Variants in UPF3A observed in about 807,000 individuals in gnomAD.
UPF3A encodes UPF3A regulator of nonsense mediated mRNA decay.
UPF3A carries 42 observed loss-of-function variants against 53.5 expected under a neutral mutation model. That is an observed-to-expected ratio of 0.78 (90% CI 0.61 to 1.01). The LOEUF is 1.01. Ranked by LOEUF, UPF3A falls within the 50% of genes least tolerant of loss-of-function variation. The pLI is 0.00. For synonymous variants in UPF3A, 237 were observed against 225.3 expected (o/e 1.05, Z -0.47); for missense variants, 575 against 598.0 (o/e 0.96, Z 0.40).
chr13:114,291,829 G>C (rs1346089654), intron 7 of UPF3A, 37 bp downstream of exon 7: 12 of 1,558,170 alleles, frequency 7.7e-6, no homozygotes, highest in Non-Finnish European at 1.0e-5. Context: ...TCCAAAAATA[G>C]CTCTGCTATA....
intron 3 of UPF3A, 120 bp from the exon 4 acceptor site, chr13:114,286,182 A>T: frequency 8.2e-7 from 1 of 1,213,352 alleles, no homozygotes; most frequent in Non-Finnish European, 1.1e-6. Context: ...ATTATAGTTT[A>T]AATAGTAATA....
intron 7 of UPF3A, among the ~76,000 whole-genome samples, chr13:114,298,487 C>T (rs1405143086): frequency 6.6e-6 from 1 of 152,166 alleles, no homozygotes; most frequent in Non-Finnish European, 1.5e-5. Context: ...CTGCAGTGAG[C>T]CGGGAGTGCG....
intron 5 of UPF3A, among the ~76,000 whole-genome samples, chr13:114,287,792 C>T (rs183916507): frequency 2.6e-5 from 4 of 151,892 alleles, no homozygotes; most frequent in Non-Finnish European, 5.9e-5. Context: ...TGAAATAGTC[C>T]GTTCACTTTC....
In UPF3A at chr13:114,284,086, G is replaced by A. The variant is rs921969887; in HGVS notation, c.421+1143G>A. 3 of 985,070 alleles carry A rather than the reference G, an allele frequency of 3.0e-6. No individual in the cohort carries two copies. The African/African-American group carries it at 5.2e-5, about 17-fold the overall frequency. 61.0% of individuals were successfully genotyped at this position (985,070 alleles called of 1,614,324 possible). A position where few individuals can be genotyped will look rare whatever the true frequency, so the allele number is the denominator to read the frequency against. ...TTCACTTAAAAAATATTGGTGGGCC[G>A]GGCACAGTGGCTCACACCTGTAATC... On this transcript the variant is annotated intron_variant, in intron 3 of 9. Transcript: ENST00000375299.
intron 9 of UPF3A, 40 bp from the exon 10 acceptor site, chr13:114,304,749 C>T (rs758596747): frequency 6.2e-7 from 1 of 1,606,326 alleles, no homozygotes; most frequent in Non-Finnish European, 8.5e-7. Context: ...TTCTGTGTTG[C>T]TACCTCTTGG....
At position 114,286,251 on chromosome 13, in the gene UPF3A, G is replaced by A. The variant is rs773322981; in HGVS notation, c.422-51G>A. On this transcript the variant is annotated intron_variant, in intron 3 of 9. Coordinates refer to ENST00000375299, the MANE Select transcript of UPF3A (RefSeq NM_023011.4). The stretch of plus-strand genomic sequence containing the variant: ...AAGTTAGGTCATTATTTTCCGAAAT[G>A]AATGTAGTAGAATTTCAGAATGGCT... The A allele has an allele frequency of 8.7e-6, 14 of 1,603,228 alleles. No homozygotes were observed. In the South Asian group the frequency reaches 1.5e-4, roughly 17 times the overall value.
rs150666672 is a variant in UPF3A, at chr13:114,299,233, G to T, written c.1007+233G>T. ...GGAGTTTCTTCCTGTTGTTTGCTTTGCTTTTGCCTCCATGTCCTCCTTTTA... is the reference window on the plus strand; with the variant it reads ...GGAGTTTCTTCCTGTTGTTTGCTTTTCTTTTGCCTCCATGTCCTCCTTTTA... On this transcript the variant is annotated intron_variant, in intron 8 of 9. Transcript: ENST00000375299. Among the ~76,000 whole-genome samples the T allele has an allele frequency of 4.0e-3, 612 of 152,240 alleles. 4 individuals are homozygous for T. Among genetic ancestry groups the T allele is most frequent in the African/African-American group, 9.4e-3 (392 of 41,540 alleles).
rs191986125 is a variant in UPF3A at position 114,296,483 on chromosome 13, C to G, written c.847-2357C>G. On this transcript the variant is annotated intron_variant, in intron 7 of 9. Transcript: ENST00000375299. ...GCTCCAAGTACCACTACACCATACC[C>G]CATACCCACCTTGTGCATTTTTTCC... Among the ~76,000 whole-genome samples, 12 of 152,294 alleles carry G rather than the reference C, an allele frequency of 7.9e-5. No homozygotes were observed. In the East Asian group the frequency reaches 1.7e-3, roughly 22 times the overall value.
intron 5 of UPF3A, 48 bp downstream of exon 5, chr13:114,286,677 G>C (rs769029411): frequency 6.8e-7 from 1 of 1,460,042 alleles, no homozygotes; most frequent in Non-Finnish European, 9.4e-7. Context: ...AGATTTACTC[G>C]TAGAGGATAT....
intron 9 of UPF3A, 65 bp from the exon 10 acceptor site, chr13:114,304,724 G>A: frequency 6.4e-7 from 1 of 1,563,074 alleles, no homozygotes; most frequent in Non-Finnish European, 8.7e-7. Flanking sequence ...TAGAAATATA[G>A]GGAGATATTG....
chr13:114,298,505 A>T (rs1229096577), intron 7 of UPF3A, among the ~76,000 whole-genome samples: 1 of 152,184 alleles, frequency 6.6e-6, no homozygotes, highest in Non-Finnish European at 1.5e-5. Context: ...GCGCCACGGC[A>T]CTTCAGCCTG....
chr13:114,293,796 T>C (rs2085549943), intron 7 of UPF3A, among the ~76,000 whole-genome samples: 1 of 152,098 alleles, frequency 6.6e-6, no homozygotes, highest in Non-Finnish European at 1.5e-5. Context: ...CATTGAACCA[T>C]AGATTTGTTT....
At chr13:114,286,215 A>C in intron 3 of UPF3A, 87 bp from the exon 4 acceptor site, 1 of 1,535,366 alleles carries the variant, frequency 6.5e-7, no homozygotes, top group Non-Finnish European at 8.9e-7. Context: ...TGTTACACTT[A>C]CTCTTTAAGT....
At position 114,282,026 on chromosome 13, in the gene UPF3A, C is replaced by T. The variant is rs575809664; in HGVS notation, c.213C>T (p.Val71=). Residue 71 remains valine, a synonymous_variant, in exon 2 of 10, where the codon GTC becomes GTT. Coordinates refer to ENST00000375299, the MANE Select transcript of UPF3A (RefSeq NM_023011.4). ...EEKRTALSKV[V]IRRLPPGLTK... Reference sequence around the variant, plus strand: ...CGGCCGCGCGCTCCCCGCAGGTGGTCATCCGCCGCCTGCCTCCGGGCCTCA... The same window carrying T: ...CGGCCGCGCGCTCCCCGCAGGTGGTTATCCGCCGCCTGCCTCCGGGCCTCA... The T allele has an allele frequency of 1.3e-4, 204 of 1,555,060 alleles. No individual in the cohort carries two copies. The highest frequency in any genetic ancestry group is 1.9e-4 in the Middle Eastern group (1 of 5,244).
intron 7 of UPF3A, among the ~76,000 whole-genome samples, chr13:114,294,592 G>A (rs1259189196): frequency 3.9e-5 from 6 of 152,180 alleles, no homozygotes; most frequent in Non-Finnish European, 5.9e-5. Context: ...TTGGGAGGCC[G>A]AGGCGGGCGT....
rs373072777 is a variant in UPF3A, at chr13:114,304,837, C to T, written c.1351C>T (p.Arg451Ter). ...TGATCCAGGAGCTCGCTTCCGAGCG[C>T]GAGAGTGTGGCGGAAACAGGAGGAT... is the stretch of plus-strand genomic sequence containing the variant. Reference protein sequence around the residue: ...LYDPGARFRARECGGNRRICK... With the variant: ...LYDPGARFRA Residue 451 changes from arginine to a stop codon, truncating the protein, a stop_gained, in exon 10 of 10, where the codon CGA (arginine) becomes TGA (stop). Transcript: ENST00000375299. LOFTEE classifies it low-confidence loss of function (END_TRUNC). 24 of 1,613,704 alleles carry T rather than the reference C, an allele frequency of 1.5e-5. No individual in the cohort carries two copies. Among genetic ancestry groups the T allele is most frequent in the East Asian group, 2.2e-5 (1 of 44,886 alleles).
At chr13:114,292,183 C>T (rs141784179) in intron 7 of UPF3A, among the ~76,000 whole-genome samples, 12 of 130,954 alleles carry the variant, frequency 9.2e-5, no homozygotes, top group East Asian at 4.7e-4. Context: ...GTCAGCTCAA[C>T]GCGTACACGT....
At chr13:114,288,166 A>G (rs1430274386) in intron 5 of UPF3A, among the ~76,000 whole-genome samples, 1 of 152,228 alleles carries the variant, frequency 6.6e-6, no homozygotes, top group Non-Finnish European at 1.5e-5. Context: ...CTGCCTGGGC[A>G]CTGACTCTGG....
chr13:114,290,493 T>G (rs894446825), intron 5 of UPF3A, among the ~76,000 whole-genome samples: 8 of 152,094 alleles, frequency 5.3e-5, no homozygotes, highest in African/African-American at 1.9e-4. Context: ...CCCTTCCCAT[T>G]TGTGTCCTTG....
Sources: allele counts gnomAD v4.1 joint callset (sites outside exome capture counted in the v4.1 genomes callset), GRCh38; gene constraint gnomAD v4.1.1; transcripts MANE v1.5; gene names NCBI Gene and HGNC (gene_info 2026-07-23, HGNC 2026-07-21).